FAM91A1: variants seen among roughly 807,000 people sequenced by gnomAD.
The protein encoded by FAM91A1 is protein FAM91A1.
In FAM91A1, 41 loss-of-function variants were observed where a neutral mutation model predicts 113.5. The observed-to-expected ratio is 0.36, with a 90% CI of 0.28 to 0.47. The LOEUF is 0.47. Among genes scored for constraint, FAM91A1 ranks in the 20% least tolerant of loss-of-function variants. The probability of loss-of-function intolerance (pLI) is 1.00; values close to 1 mark genes in which losing one functional copy is unlikely to be tolerated. For missense variants in FAM91A1, 696 were observed against 1,001.2 expected, an observed-to-expected ratio of 0.70 and a Z score of 4.11; for synonymous variants, 307 against 347.9, an observed-to-expected ratio of 0.88 and a Z score of 1.31.
chr8:123,779,917 A>C (rs764340976), intron 6 of FAM91A1, 68 bp from the exon 7 acceptor site: 5 of 1,305,506 alleles, frequency 3.8e-6, no homozygotes, highest in Non-Finnish European at 5.4e-6. Flanking sequence ...AACATAAATA[A>C]ATTTCAGGAG....
chr8:123,774,550 C>T (rs1814932780), intron 2 of FAM91A1, among the ~76,000 whole-genome samples: 1 of 151,908 alleles, frequency 6.6e-6, no homozygotes, highest in African/African-American at 2.4e-5. Flanking sequence ...AATTGGGACA[C>T]ATTTTAAACA....
At position 123,805,063 on chromosome 8, in the gene FAM91A1, A is replaced by C. The variant is rs1371208778; in HGVS notation, c.1810-204A>C. On this transcript the variant is annotated intron_variant, in intron 18 of 23. Transcript: ENST00000334705. ...TTTTTTTGCATTGGCCTATACATTCAATTTGAGAAACATTGCCTTATAGAT... is the reference window on the plus strand; with the variant it reads ...TTTTTTTGCATTGGCCTATACATTCCATTTGAGAAACATTGCCTTATAGAT... 2.6e-5 allele frequency among the ~76,000 whole-genome samples: 4 copies of C among 152,254 alleles called. No homozygotes were observed. In the East Asian group the frequency reaches 5.8e-4, roughly 22 times the overall value.
In FAM91A1 at chr8:123,786,749, G is replaced by T. The variant is rs191012649; in HGVS notation, c.1078+139G>T. On this transcript the variant is annotated intron_variant, in intron 12 of 23. Coordinates refer to ENST00000334705, the MANE Select transcript of FAM91A1 (RefSeq NM_144963.4). ...CTTTGAGTGTTTTACTATATTTTGG[G>T]CACTGTGCTAAGTCCTAGGTATATA... 5.7e-6 allele frequency: 4 copies of T among 698,282 alleles called. No individual in the cohort carries two copies. The Admixed American group carries it at 9.5e-5, about 17-fold the overall frequency. 43.3% of individuals were successfully genotyped at this position (698,282 alleles called of 1,614,324 possible).
At chr8:123,802,747 C>CT (rs1374701069) in intron 18 of FAM91A1, among the ~76,000 whole-genome samples, 1 of 152,180 alleles carries the variant, frequency 6.6e-6, no homozygotes, top group Non-Finnish European at 1.5e-5. Context: ...TAGACATGGA[C>CT]TTAAGTCAGA....
chr8:123,791,980 G>T (rs1424082149), intron 15 of FAM91A1, among the ~76,000 whole-genome samples: 9 of 152,126 alleles, frequency 5.9e-5, no homozygotes, highest in Admixed American at 2.0e-4. Flanking sequence ...TTCAACACCA[G>T]CATGGCCAAC....
At position 123,808,916 on chromosome 8, in the gene FAM91A1, G is replaced by A. The variant is rs755674886; in HGVS notation, c.2161G>A (p.Val721Ile). The change falls in exon 22 of 24, where the codon GTT becomes ATT. Residue 721 changes from valine to isoleucine, a missense_variant. Coordinates refer to ENST00000334705, the MANE Select transcript of FAM91A1 (RefSeq NM_144963.4). ...TSGATTEADW[V>I]PLELCFGIPL... ...AGGTGCCACAACAGAAGCAGATTGGGTTCCTCTCGAGCTGTGCTTTGGAAT... is the reference window on the plus strand; with the variant it reads ...AGGTGCCACAACAGAAGCAGATTGGATTCCTCTCGAGCTGTGCTTTGGAAT... The A allele has an allele frequency of 1.2e-6, 2 of 1,610,966 alleles. No homozygotes were observed. Among genetic ancestry groups the A allele is most frequent in the Non-Finnish European group, 1.7e-6 (2 of 1,178,696 alleles).
At chr8:123,790,446 G>A (rs1815357494) in intron 15 of FAM91A1, among the ~76,000 whole-genome samples, 1 of 152,186 alleles carries the variant, frequency 6.6e-6, no homozygotes. Flanking sequence ...CTAGGCTTGG[G>A]CACCCCTGCA....
chr8:123,781,051 T>A (rs553661184), intron 8 of FAM91A1, among the ~76,000 whole-genome samples: 55 of 152,312 alleles, frequency 3.6e-4, no homozygotes, highest in African/African-American at 1.3e-3. Context: ...CATTTTGTAT[T>A]TCTGGTAATT....
At position 123,784,809 on chromosome 8, in the gene FAM91A1, G is replaced by A. The variant is rs77355754; in HGVS notation, c.810+233G>A. 3,171 of 429,564 alleles carry A rather than the reference G, an allele frequency of 7.4e-3. 84 individuals carry two copies. Among genetic ancestry groups the A allele is most frequent in the African/African-American group, 0.058 (2,820 of 48,396 alleles). 26.6% of individuals were successfully genotyped at this position (429,564 alleles called of 1,614,324 possible). On this transcript the variant is annotated intron_variant, in intron 9 of 23. Transcript: ENST00000334705. ...ATATGACTTTTTGTACTAAAGTATT[G>A]TAGACTATATTGATCTATCCAGGAA...
At chr8:123,802,028 G>A (rs536217774) in intron 18 of FAM91A1, among the ~76,000 whole-genome samples, 8 of 152,152 alleles carry the variant, frequency 5.3e-5, no homozygotes, top group South Asian at 4.2e-4. Flanking sequence ...CTGCAGTGCC[G>A]CCTGCCTTGA....
chr8:123,776,973 A>G (rs905138203), intron 3 of FAM91A1, among the ~76,000 whole-genome samples: 1 of 152,182 alleles, frequency 6.6e-6, no homozygotes, highest in African/African-American at 2.4e-5. Flanking sequence ...CTGAGCTCTA[A>G]TGGAGCCATT....
At position 123,808,242 on chromosome 8, in the gene FAM91A1, C is replaced by G. The variant is rs775269298; in HGVS notation, c.2033-30C>G. 1.3e-5 allele frequency: 20 copies of G among 1,577,500 alleles called. No individual in the cohort carries two copies. The South Asian group carries it at 2.0e-4, about 16-fold the overall frequency. On this transcript the variant is annotated intron_variant, in intron 20 of 23. Coordinates refer to ENST00000334705, the MANE Select transcript of FAM91A1 (RefSeq NM_144963.4). ...GCAGCTTCTGCTAACTGCTAGAATC[C>G]TAATATTGTGTATGCCCTTTAATTA...
Position 123,768,744 on chromosome 8 carries a change from C to T in FAM91A1, c.42C>T (p.Pro14=). 1 of 1,612,076 alleles carries T rather than the reference C, an allele frequency of 6.2e-7. No homozygotes were observed. The highest frequency in any genetic ancestry group is 8.5e-7 in the Non-Finnish European group (1 of 1,179,098). The change falls in exon 1 of 24, where the codon CCC becomes CCT. Residue 14 remains proline (P), a synonymous_variant. Coordinates refer to ENST00000334705, the MANE Select transcript of FAM91A1 (RefSeq NM_144963.4). The part of the protein sequence containing the change: ...DVEFHIRHNY[P]WNKLPANVRQ... ...AGTTCCACATCCGGCACAACTACCC[C>T]TGGAACAAGTTGCCGGCCAACGTGA... is the stretch of plus-strand genomic sequence containing the variant.
chr8:123,793,173 A>G (rs1815428285), intron 15 of FAM91A1, among the ~76,000 whole-genome samples: 1 of 152,136 alleles, frequency 6.6e-6, no homozygotes, highest in African/African-American at 2.4e-5. Context: ...TTCATTGGTG[A>G]TGTTAATTTT....
chr8:123,804,496 A>G (rs1815758142), intron 18 of FAM91A1, among the ~76,000 whole-genome samples: 2 of 137,236 alleles, frequency 1.5e-5, no homozygotes, highest in Non-Finnish European at 3.1e-5. Context: ...GTTTTAAAAA[A>G]AAAAAAAAAA....
In FAM91A1 at chr8:123,813,020, G is replaced by T. The variant is rs1815996679; in HGVS notation, c.*316G>T. The T allele has an allele frequency of 5.2e-6, 1 of 193,098 alleles. No homozygotes were observed. Among genetic ancestry groups the T allele is most frequent in the South Asian group, 1.9e-4 (1 of 5,170 alleles). The allele number at this position is 193,098 out of a possible 1,614,324, so 12.0% of individuals were successfully genotyped here. ...TTTATAAGCAGTCACTATGAAAATT[G>T]CAATGGTAATTTTATATGTTAGTTT... On this transcript the variant is annotated 3_prime_UTR_variant, in exon 24 of 24. Transcript: ENST00000334705.
intron 11 of FAM91A1, 95 bp downstream of exon 11, chr8:123,785,836 G>T: frequency 1.4e-6 from 1 of 729,992 alleles, no homozygotes; most frequent in Admixed American, 3.5e-5. Flanking sequence ...TTTATTTATT[G>T]AGACAAAGTC....
At chr8:123,810,221 G>T in intron 22 of FAM91A1, 61 bp from the exon 23 acceptor site, 1 of 1,513,638 alleles carries the variant, frequency 6.6e-7, no homozygotes, top group South Asian at 1.2e-5. Flanking sequence ...AAACTCTTAT[G>T]AGAAACTCAT....
At chr8:123,797,349 CAAG>C (rs1815551154) in intron 15 of FAM91A1, among the ~76,000 whole-genome samples, 1 of 152,118 alleles carries the variant, frequency 6.6e-6, no homozygotes, top group South Asian at 2.1e-4. Flanking sequence ...CATTAAGAAA[CAAG>C]AAAGTTAGAT....
Sources: gnomAD v4.1 joint callset for allele counts (sites outside exome capture counted in the v4.1 genomes callset) on GRCh38, gnomAD v4.1.1 for gene constraint, MANE v1.5 for transcripts, NCBI Gene and HGNC (gene_info 2026-07-23, HGNC 2026-07-21) for gene names.